The following AGBL1 variants were observed in gnomAD, a reference collection of about 807,000 sequenced individuals.
The protein encoded by AGBL1 is cytosolic carboxypeptidase 4.
A neutral mutation model predicts 118.9 loss-of-function variants in AGBL1; 130 were observed. The ratio of observed to expected loss-of-function variants is 1.09; its 90% CI spans 0.95 to 1.26. The LOEUF is 1.26. Among genes scored for constraint, AGBL1 ranks in the 50% most tolerant of loss-of-function variants. The probability of loss-of-function intolerance (pLI) is 0.00; values close to 1 mark genes in which losing one functional copy is unlikely to be tolerated. For missense variants in AGBL1, 1,584 were observed against 1,298.1 expected (o/e 1.22, Z -3.38); for synonymous variants, 555 against 478.9 (o/e 1.16, Z -2.08).
At chr15:86,794,528 G>A (rs535254664) in intron 22 of AGBL1, among the ~76,000 whole-genome samples, 3 of 152,112 alleles carry the variant, frequency 2.0e-5, no homozygotes, top group South Asian at 2.1e-4. Context: ...AGATAGTGGC[G>A]GATAATTGCA....
intron 21 of AGBL1, among the ~76,000 whole-genome samples, chr15:86,580,927 A>C (rs1457135119): frequency 6.6e-6 from 1 of 152,174 alleles, no homozygotes; most frequent in African/African-American, 2.4e-5. Context: ...TACATTAACT[A>C]CAGTAAAATT....
At chr15:86,757,173 G>A (rs1439025879) in intron 22 of AGBL1, among the ~76,000 whole-genome samples, 1 of 152,040 alleles carries the variant, frequency 6.6e-6, no homozygotes, top group Non-Finnish European at 1.5e-5. Context: ...GCTGACTTCT[G>A]AAGATACATA....
chr15:86,563,055 T>C (rs973360182), intron 21 of AGBL1, among the ~76,000 whole-genome samples: 6 of 152,230 alleles, frequency 3.9e-5, no homozygotes, highest in Non-Finnish European at 7.3e-5. Flanking sequence ...TTAGTCTTGC[T>C]AGCAGTCTAT....
chr15:86,607,901 A>G (rs1448153314), intron 21 of AGBL1, among the ~76,000 whole-genome samples: 1 of 152,194 alleles, frequency 6.6e-6, no homozygotes, highest in Non-Finnish European at 1.5e-5. Context: ...CAGGCAGTGC[A>G]TGGACATATT....
At chr15:86,230,339 G>A (rs749482323) in intron 6 of AGBL1, among the ~76,000 whole-genome samples, 1 of 152,190 alleles carries the variant, frequency 6.6e-6, no homozygotes, top group South Asian at 2.1e-4. Context: ...GGCCATCTTT[G>A]ATATGCACCC....
chr15:86,599,314 A>T (rs1234775646), intron 21 of AGBL1, among the ~76,000 whole-genome samples: 1 of 150,528 alleles, frequency 6.6e-6, no homozygotes, highest in East Asian at 2.0e-4. Flanking sequence ...TGTGTGAATC[A>T]TGTAACTGAA....
At chr15:86,489,041 G>T (rs1338967864) in intron 18 of AGBL1, among the ~76,000 whole-genome samples, 1 of 151,924 alleles carries the variant, frequency 6.6e-6, no homozygotes, top group Non-Finnish European at 1.5e-5. Context: ...TAGCTTCTTG[G>T]ACTAACTAGT....
chr15:86,972,728 A>G (rs1459466805), intron 23 of AGBL1, among the ~76,000 whole-genome samples: 1 of 152,066 alleles, frequency 6.6e-6, no homozygotes, highest in Non-Finnish European at 1.5e-5. Context: ...CTGAGCATGC[A>G]TGCTAATGTG....
intron 1 of AGBL1, among the ~76,000 whole-genome samples, chr15:86,113,212 TTTTTC>T (rs144582554): frequency 0.043 from 5,244 of 122,018 alleles, 133 homozygotes; most frequent in African/African-American, 0.072. Context: ...TTTCTTTTTC[TTTTTC>T]TTTTCTTTTC....
intron 22 of AGBL1, among the ~76,000 whole-genome samples, chr15:86,870,682 C>T (rs1172129801): frequency 1.3e-5 from 2 of 151,980 alleles, no homozygotes; most frequent in African/African-American, 4.8e-5. Flanking sequence ...AAAAAAAAGG[C>T]ATCTGATGAA....
intron 5 of AGBL1, among the ~76,000 whole-genome samples, chr15:86,178,066 C>T (rs569159024): frequency 1.1e-3 from 171 of 152,310 alleles, no homozygotes; most frequent in African/African-American, 4.0e-3. Flanking sequence ...GTAATCCCAG[C>T]ACTTTGGGAG....
At chr15:86,586,441 T>A (rs2084249144) in intron 21 of AGBL1, among the ~76,000 whole-genome samples, 1 of 152,204 alleles carries the variant, frequency 6.6e-6, no homozygotes, top group African/African-American at 2.4e-5. Flanking sequence ...TTTTATCATA[T>A]ACCTTTTAGG....
At chr15:86,336,625 G>T (rs2080373365) in intron 17 of AGBL1, among the ~76,000 whole-genome samples, 1 of 152,164 alleles carries the variant, frequency 6.6e-6, no homozygotes, top group Non-Finnish European at 1.5e-5. Flanking sequence ...GTGTAGAGTT[G>T]CTGGATTGGC....
intron 22 of AGBL1, among the ~76,000 whole-genome samples, chr15:86,743,012 T>C (rs181699785): frequency 2.3e-4 from 35 of 152,252 alleles, no homozygotes; most frequent in Non-Finnish European, 4.4e-4. Flanking sequence ...TTTTGTTTTG[T>C]AGCACCTAGA....
At chr15:86,688,273 A>G (rs1226704829) in intron 22 of AGBL1, among the ~76,000 whole-genome samples, 1 of 151,604 alleles carries the variant, frequency 6.6e-6, no homozygotes, top group Non-Finnish European at 1.5e-5. Context: ...GGAGGAGGAG[A>G]AGGGTGGGGA....
chr15:86,230,181 GGCATTCTAAGT>G (rs1397474969), intron 6 of AGBL1, among the ~76,000 whole-genome samples: 1 of 152,130 alleles, frequency 6.6e-6, no homozygotes, highest in East Asian at 1.9e-4. Context: ...AGGAAGGGAG[GGCATTCTAAGT>G]GCTGAGAGCC....
chr15:86,737,982 G>T lies in AGBL1; in HGVS notation c.3158+63546G>T, dbSNP rs181017382. 1.6e-3 allele frequency among the ~76,000 whole-genome samples: 247 copies of T among 151,938 alleles called. 3 individuals carry two copies. The highest frequency in any genetic ancestry group is 5.6e-3 in the African/African-American group (231 of 41,442). On this transcript the variant is annotated intron_variant, in intron 22 of 22. Transcript: ENST00000614907. ...TATCTATCCCAGGGATGCAAGGAAG[G>T]TTCAACATACACAGATAAATAAATG... is the stretch of plus-strand genomic sequence containing the variant.
intron 24 of AGBL1, among the ~76,000 whole-genome samples, chr15:87,027,184 C>A (rs2081737388): frequency 6.6e-6 from 1 of 151,926 alleles, no homozygotes; most frequent in African/African-American, 2.4e-5. Context: ...AAAAATAGCT[C>A]AACATCACTG....
intron 5 of AGBL1, among the ~76,000 whole-genome samples, chr15:86,205,460 G>T (rs182580160): frequency 3.9e-5 from 6 of 152,194 alleles, no homozygotes; most frequent in Non-Finnish European, 7.3e-5. Flanking sequence ...AACCCATTTA[G>T]GTAAATACGA....
Sources: gnomAD v4.1 joint callset for allele counts (sites outside exome capture counted in the v4.1 genomes callset) on GRCh38, gnomAD v4.1.1 for gene constraint, MANE v1.5 for transcripts, NCBI Gene and HGNC (gene_info 2026-07-23, HGNC 2026-07-21) for gene names.